KCTD16: variants seen among roughly 807,000 people sequenced by gnomAD.
The protein encoded by KCTD16 is BTB/POZ domain-containing protein KCTD16.
A neutral mutation model predicts 33.2 loss-of-function variants in KCTD16; 13 were observed. The observed-to-expected ratio is 0.39, with a 90% confidence interval of 0.25 to 0.62. The LOEUF (loss-of-function observed/expected upper bound fraction) is 0.62. Among genes scored for constraint, KCTD16 ranks in the 20% least tolerant of loss-of-function variants. KCTD16 has a pLI of 0.50. For missense variants in KCTD16, 441 were observed against 525.1 expected, an observed-to-expected ratio of 0.84 and a Z score of 1.57; for synonymous variants, 197 against 195.3, an observed-to-expected ratio of 1.01 and a Z score of -0.07.
At chr5:144,380,715 G>T (rs1752195180) in intron 3 of KCTD16, among the ~76,000 whole-genome samples, 1 of 152,038 alleles carries the variant, frequency 6.6e-6, no homozygotes, top group African/African-American at 2.4e-5. Flanking sequence ...AAGCAATGGG[G>T]GAAAGACTCC....
chr5:144,455,181 T>C (rs776321789), intron 3 of KCTD16, among the ~76,000 whole-genome samples: 1 of 151,106 alleles, frequency 6.6e-6, no homozygotes, highest in Non-Finnish European at 1.5e-5. Flanking sequence ...CATTGAGGAG[T>C]GTGCACACCC....
intron 3 of KCTD16, among the ~76,000 whole-genome samples, chr5:144,258,881 G>A (rs11743986): frequency 0.21 from 32,523 of 151,996 alleles, 3,950 homozygotes; most frequent in Non-Finnish European, 0.28. Context: ...GTAAGTGGTG[G>A]AAGTGGACTC....
chr5:144,410,026 A>T (rs1752897949), intron 3 of KCTD16, among the ~76,000 whole-genome samples: 1 of 151,952 alleles, frequency 6.6e-6, no homozygotes. Flanking sequence ...GAGGAGGGGA[A>T]GGATGCTCCA....
At chr5:144,209,491 G>T (rs1168791996) in intron 3 of KCTD16, among the ~76,000 whole-genome samples, 5 of 152,092 alleles carry the variant, frequency 3.3e-5, no homozygotes, top group African/African-American at 9.7e-5. Flanking sequence ...TCTTGCAAAT[G>T]ATATACTTCC....
intron 3 of KCTD16, among the ~76,000 whole-genome samples, chr5:144,253,347 G>A (rs1308340271): frequency 6.6e-6 from 1 of 152,110 alleles, no homozygotes; most frequent in Admixed American, 6.5e-5. Context: ...AAATTCTCAA[G>A]TATATATAAA....
intron 3 of KCTD16, among the ~76,000 whole-genome samples, chr5:144,310,898 G>T (rs1751746607): frequency 6.6e-6 from 1 of 152,166 alleles, no homozygotes; most frequent in Non-Finnish European, 1.5e-5. Flanking sequence ...CCATCAGGCA[G>T]CTCTGAGGAG....
chr5:144,180,184 A>G (rs543688477), intron 2 of KCTD16, among the ~76,000 whole-genome samples: 7 of 152,148 alleles, frequency 4.6e-5, no homozygotes, highest in Non-Finnish European at 8.8e-5. Context: ...GCTGTCAGTG[A>G]TAATGATGCT....
intron 3 of KCTD16, among the ~76,000 whole-genome samples, chr5:144,288,370 G>A (rs1160484805): frequency 6.6e-6 from 1 of 152,136 alleles, no homozygotes; most frequent in Non-Finnish European, 1.5e-5. Flanking sequence ...AACGTGTTGT[G>A]GGTTCTCCCT....
Position 144,404,688 on chromosome 5 carries a change from G to T in KCTD16, c.833-68972G>T, listed in dbSNP as rs117939349. On this transcript the variant is annotated intron_variant, in intron 3 of 3. Transcript: ENST00000512467. ...CTCTTCATTGAGAAGCCAGAACAGA[G>T]AATTTGGGCTCATGGCATGTTGGGA... Among the ~76,000 whole-genome samples, 243 of 152,292 alleles carry T rather than the reference G, an allele frequency of 1.6e-3. 1 individual carries two copies. In the East Asian group the frequency reaches 0.024, roughly 15 times the overall value.
intron 3 of KCTD16, chr5:144,384,448 C>G (rs1371321366): frequency 6.6e-6 from 1 of 152,128 alleles, no homozygotes; most frequent in Non-Finnish European, 1.5e-5. Flanking sequence ...TATACTAATA[C>G]CTTACAATGA....
chr5:144,468,178 T>C (rs886857991), intron 3 of KCTD16, among the ~76,000 whole-genome samples: 1 of 152,212 alleles, frequency 6.6e-6, no homozygotes, highest in African/African-American at 2.4e-5. Flanking sequence ...CAATGCCTCC[T>C]CTAAGCTTTT....
In KCTD16 at chr5:144,400,832, G is replaced by A. The variant is rs187167716; in HGVS notation, c.833-72828G>A. Reference sequence around the variant, plus strand: ...CAATCAGAAAAGACCTCTTTAAGGAGGAGGTATTTGAGCTGAGACTTGGTG... The same window carrying A: ...CAATCAGAAAAGACCTCTTTAAGGAAGAGGTATTTGAGCTGAGACTTGGTG... On this transcript the variant is annotated intron_variant, in intron 3 of 3. Coordinates refer to ENST00000512467, the MANE Select transcript of KCTD16 (RefSeq NM_020768.4). 2.5e-4 allele frequency among the ~76,000 whole-genome samples: 38 copies of A among 152,344 alleles called. 1 individual carries two copies. The highest frequency in any genetic ancestry group is 2.4e-3 in the Admixed American group (37 of 15,296).
chr5:144,366,628 C>G (rs116217180), intron 3 of KCTD16, among the ~76,000 whole-genome samples: 1 of 152,238 alleles, frequency 6.6e-6, no homozygotes, highest in African/African-American at 2.4e-5. Flanking sequence ...CTACGGAGCC[C>G]TGAGGTGGTC....
intron 3 of KCTD16, among the ~76,000 whole-genome samples, chr5:144,456,584 T>A (rs949730778): frequency 1.3e-5 from 2 of 152,160 alleles, no homozygotes; most frequent in Admixed American, 1.3e-4. Context: ...TGCATTCAGT[T>A]GAGGAAGGTA....
chr5:144,417,823 G>C (rs1017833990), intron 3 of KCTD16, among the ~76,000 whole-genome samples: 1 of 152,116 alleles, frequency 6.6e-6, no homozygotes, highest in Non-Finnish European at 1.5e-5. Flanking sequence ...TGGATATGCA[G>C]TTATTTTGGT....
At chr5:144,289,985 A>C (rs962007324) in intron 3 of KCTD16, among the ~76,000 whole-genome samples, 2 of 152,212 alleles carry the variant, frequency 1.3e-5, no homozygotes, top group Non-Finnish European at 2.9e-5. Flanking sequence ...TTAAGTGCAT[A>C]AGACCAAACA....
At chr5:144,240,805 T>C (rs1754381687) in intron 3 of KCTD16, among the ~76,000 whole-genome samples, 1 of 152,136 alleles carries the variant, frequency 6.6e-6, no homozygotes, top group South Asian at 2.1e-4. Flanking sequence ...CTTAAGATTA[T>C]ATTGAGATTA....
At chr5:144,468,964 A>G (rs1754410102) in intron 3 of KCTD16, among the ~76,000 whole-genome samples, 3 of 152,206 alleles carry the variant, frequency 2.0e-5, no homozygotes, top group African/African-American at 7.2e-5. Flanking sequence ...CTTCTTTATC[A>G]GTAAGAACTG....
chr5:144,214,468 T>C (rs17438740), intron 3 of KCTD16, among the ~76,000 whole-genome samples: 5,256 of 152,320 alleles, frequency 0.035, 134 homozygotes, highest in Middle Eastern at 0.085. Flanking sequence ...ATACAAACTC[T>C]TTAACATGAA....
Sources: allele counts gnomAD v4.1 joint callset (sites outside exome capture counted in the v4.1 genomes callset), GRCh38; gene constraint gnomAD v4.1.1; transcripts MANE v1.5; gene names NCBI Gene and HGNC (gene_info 2026-07-23, HGNC 2026-07-21).